ETHE1: variants seen among roughly 807,000 people sequenced by gnomAD.
The protein encoded by ETHE1 is ETHE1 persulfide dioxygenase.
A neutral mutation model predicts 25.7 loss-of-function variants in ETHE1; 16 were observed. That is an observed-to-expected ratio of 0.62 (90% CI 0.42 to 0.95). The LOEUF (loss-of-function observed/expected upper bound fraction) is 0.95, where lower values mean the gene tolerates loss of function less well. ETHE1 is among the 40% of genes least tolerant of loss of function. The probability of loss-of-function intolerance (pLI) is 0.00; values close to 1 mark genes in which losing one functional copy is unlikely to be tolerated. For missense variants in ETHE1, 300 were observed against 333.6 expected (o/e 0.90, Z 0.79); for synonymous variants, 139 against 135.9 (o/e 1.02, Z -0.16).
intron 3 of ETHE1, among the ~76,000 whole-genome samples, chr19:43,513,082 T>A (rs1337616393): frequency 1.3e-5 from 2 of 152,160 alleles, no homozygotes; most frequent in African/African-American, 4.8e-5. Context: ...GGCCTGCTGG[T>A]GAACAGAAGT....
At chr19:43,516,341 C>T (rs1302370773) in intron 3 of ETHE1, among the ~76,000 whole-genome samples, 1 of 152,060 alleles carries the variant, frequency 6.6e-6, no homozygotes, top group Admixed American at 6.6e-5. Flanking sequence ...ACTCTGTCAC[C>T]CAGGCTGGAG....
chr19:43,510,788 C>T (rs929682312), intron 4 of ETHE1, among the ~76,000 whole-genome samples: 1 of 152,080 alleles, frequency 6.6e-6, no homozygotes, highest in African/African-American at 2.4e-5. Flanking sequence ...CATACTCTAG[C>T]ATGGGGGTCC....
rs918697953 is a variant in ETHE1 at position 43,509,956 on chromosome 19, C to T, written c.506-1092G>A. 2.6e-5 allele frequency among the ~76,000 whole-genome samples: 4 copies of T among 152,154 alleles called. No individual in the cohort carries two copies. The East Asian group carries it at 7.7e-4, about 29-fold the overall frequency. On this transcript the variant is annotated intron_variant, in intron 4 of 6. Coordinates refer to ENST00000292147, the MANE Select transcript of ETHE1 (RefSeq NM_014297.5). ...CGGCCTAAATCCTTCAGCTTCCTGA[C>T]TGTACTGTGAATGGATAAATGGGAG...
At chr19:43,516,085 T>C (rs2145993952) in intron 3 of ETHE1, among the ~76,000 whole-genome samples, 1 of 152,306 alleles carries the variant, frequency 6.6e-6, no homozygotes, top group East Asian at 1.9e-4. Flanking sequence ...TTGAATATCT[T>C]CACGCTATGG....
rs1389657889 is a variant in ETHE1, at chr19:43,526,186, C to A, written c.375+15G>T. 1 of 1,614,032 alleles carries A rather than the reference C, an allele frequency of 6.2e-7. No individual in the cohort carries two copies. Among genetic ancestry groups the A allele is most frequent in the African/African-American group, 1.3e-5 (1 of 74,934 alleles). The stretch of plus-strand genomic sequence containing the variant: ...CCAGGCCACCACCCTCTTGGGGACC[C>A]AGCACCCAACTCACGAAGCGCCCGA... On this transcript the variant is annotated intron_variant, in intron 3 of 6. Coordinates refer to ENST00000292147, the MANE Select transcript of ETHE1 (RefSeq NM_014297.5).
chr19:43,526,651 C>A lies in ETHE1; in HGVS notation c.90G>T (p.Glu30Asp), dbSNP rs1972255989. The change falls in exon 2 of 7, where the codon GAG becomes GAT. Residue 30 changes from glutamate to aspartate, a missense_variant. Physicochemically the swap from Glu to Asp is conservative, Grantham distance 45. Transcript: ENST00000292147. ...GAPILLRQMF[E>D]PVSCTFTYLL... ...GGTACGTGAAGGTGCAGCTCACAGGCTCGAACATCTGGGAACGGGGGACCC... is the reference window on the plus strand; with the variant it reads ...GGTACGTGAAGGTGCAGCTCACAGGATCGAACATCTGGGAACGGGGGACCC... 1.2e-6 allele frequency: 2 copies of A among 1,613,736 alleles called. No individual in the cohort carries two copies. Among genetic ancestry groups the A allele is most frequent in the Non-Finnish European group, 1.7e-6 (2 of 1,180,032 alleles).
intron 2 of ETHE1, 66 bp downstream of exon 2, chr19:43,526,449 C>T: frequency 6.2e-7 from 1 of 1,601,482 alleles, no homozygotes; most frequent in Non-Finnish European, 8.5e-7. Flanking sequence ...TGGGCCCCAG[C>T]TTCCCATTCC....
At chr19:43,510,784 C>G (rs918262900) in intron 4 of ETHE1, among the ~76,000 whole-genome samples, 1 of 152,082 alleles carries the variant, frequency 6.6e-6, no homozygotes, top group Non-Finnish European at 1.5e-5. Context: ...TTCCCATACT[C>G]TAGCATGGGG....
intron 3 of ETHE1, among the ~76,000 whole-genome samples, chr19:43,518,153 A>T (rs6509092): frequency 0.68 from 103,250 of 151,322 alleles, 35,199 homozygotes; most frequent in East Asian, 0.73. Context: ...AGAAAACACA[A>T]ACACACACAC....
At chr19:43,509,639 C>CA (rs1199628405) in intron 4 of ETHE1, among the ~76,000 whole-genome samples, 5 of 151,126 alleles carry the variant, frequency 3.3e-5, no homozygotes, top group Non-Finnish European at 5.9e-5. Context: ...ACTAAAAATA[C>CA]AAAAAAATTA....
chr19:43,510,089 T>C (rs1397670425), intron 4 of ETHE1, among the ~76,000 whole-genome samples: 3 of 152,156 alleles, frequency 2.0e-5, no homozygotes, highest in Non-Finnish European at 4.4e-5. Flanking sequence ...CATCTCATCA[T>C]GGCTTCTGTC....
At chr19:43,509,022 A>G (rs1164612010) in intron 4 of ETHE1, among the ~76,000 whole-genome samples, 158 bp from the exon 5 acceptor site, 1 of 152,224 alleles carries the variant, frequency 6.6e-6, no homozygotes, top group Non-Finnish European at 1.5e-5. Flanking sequence ...AGGGAAAGGC[A>G]TTCTAGGCAG....
intron 4 of ETHE1, among the ~76,000 whole-genome samples, chr19:43,509,790 C>T (rs892184424): frequency 4.6e-5 from 7 of 152,008 alleles, no homozygotes; most frequent in South Asian, 2.1e-4. Context: ...AGCGAGACTC[C>T]GTCTCAAAAA....
At chr19:43,522,136 A>G (rs925807936) in intron 3 of ETHE1, among the ~76,000 whole-genome samples, 5 of 152,206 alleles carry the variant, frequency 3.3e-5, no homozygotes, top group African/African-American at 7.2e-5. Flanking sequence ...TCAAAGTAAC[A>G]TGTAAAAACT....
At chr19:43,507,112 AC>A in intron 6 of ETHE1, among the ~76,000 whole-genome samples, 1 of 132,752 alleles carries the variant, frequency 7.5e-6, no homozygotes. Context: ...CTTCCCTCAG[AC>A]CCAGGAGCCC....
At chr19:43,507,757 C>T in intron 6 of ETHE1, 187 bp downstream of exon 6, 1 of 450,836 alleles carries the variant, frequency 2.2e-6, no homozygotes, top group Non-Finnish European at 4.0e-6. Flanking sequence ...CCAGCCCCTC[C>T]TCCCTTAGAC....
At chr19:43,513,192 AG>A (rs1378389890) in intron 3 of ETHE1, among the ~76,000 whole-genome samples, 1 of 152,124 alleles carries the variant, frequency 6.6e-6, no homozygotes, top group African/African-American at 2.4e-5. Context: ...AAGCCTTCAT[AG>A]GGAACCTCTG....
At chr19:43,511,686 G>C in intron 3 of ETHE1, 120 bp from the exon 4 acceptor site, 1 of 1,110,740 alleles carries the variant, frequency 9.0e-7, no homozygotes, top group Non-Finnish European at 1.3e-6. Context: ...AAAAAATGTA[G>C]ATTCCCAGGC....
intron 3 of ETHE1, among the ~76,000 whole-genome samples, chr19:43,522,439 A>G (rs1972154776): frequency 6.6e-6 from 1 of 152,218 alleles, no homozygotes. Context: ...AAATTTAAAA[A>G]AAAACCTATA....
Sources: allele counts gnomAD v4.1 joint callset (sites outside exome capture counted in the v4.1 genomes callset), GRCh38; gene constraint gnomAD v4.1.1; transcripts MANE v1.5; gene names NCBI Gene and HGNC (gene_info 2026-07-23, HGNC 2026-07-21).